AKAP6: variants seen among roughly 807,000 people sequenced by gnomAD.
The protein encoded by AKAP6 is A-kinase anchor protein 6.
Under a neutral mutation model 188.5 loss-of-function variants are expected in AKAP6, and 58 were observed. The ratio of observed to expected loss-of-function variants is 0.31; its 90% CI spans 0.25 to 0.38. The LOEUF is 0.38. AKAP6 is among the 10% of genes least tolerant of loss of function. AKAP6 has a pLI of 1.00. For synonymous variants in AKAP6, 989 were observed against 998.6 expected (o/e 0.99, Z 0.18); for missense variants, 2,710 against 2,740.0 (o/e 0.99, Z 0.24).
chr14:32,567,021 C>T (rs1164198124), intron 4 of AKAP6, among the ~76,000 whole-genome samples: 2 of 152,126 alleles, frequency 1.3e-5, no homozygotes, highest in African/African-American at 4.8e-5. Flanking sequence ...CTCCTGGGCT[C>T]AAGCAATCCT....
intron 2 of AKAP6, among the ~76,000 whole-genome samples, chr14:32,511,079 G>T (rs1881232225): frequency 6.6e-6 from 1 of 152,198 alleles, no homozygotes; most frequent in South Asian, 2.1e-4. Flanking sequence ...CAGTGTAAGT[G>T]AATGGACAAG....
At chr14:32,511,275 A>T (rs1012360536) in intron 2 of AKAP6, among the ~76,000 whole-genome samples, 1 of 152,116 alleles carries the variant, frequency 6.6e-6, no homozygotes, top group African/African-American at 2.4e-5. Flanking sequence ...CAAAGATGCC[A>T]TGCAATTCCA....
At chr14:32,752,243 ACTGT>A (rs1472884610) in intron 11 of AKAP6, among the ~76,000 whole-genome samples, 33 of 152,314 alleles carry the variant, frequency 2.2e-4, no homozygotes, top group Admixed American at 9.8e-4. Flanking sequence ...CATAGGGTAA[ACTGT>A]CTGATGTCAA....
intron 12 of AKAP6, among the ~76,000 whole-genome samples, chr14:32,804,396 TAGGACCACGAAGCCCGC>T (rs562639661): frequency 2.4e-4 from 36 of 152,146 alleles, no homozygotes; most frequent in Non-Finnish European, 5.0e-4. Context: ...CACATATTGG[TAGGACCACGAAGCCCGC>T]CTGAGTCTCA....
rs2034817780 is a variant in AKAP6, at chr14:32,831,444, A to G, written c.*1639A>G. The G allele has an allele frequency of 6.6e-6, 1 of 152,222 alleles. No individual in the cohort carries two copies. The highest frequency in any genetic ancestry group is 2.4e-5 in the African/African-American group (1 of 41,468). 9.4% of individuals were successfully genotyped at this position (152,222 alleles called of 1,614,324 possible). ...GAGGTACAATGCAATATAAAGTCAC[A>G]ATAGATAATATATATCAAATTTCTA... On this transcript the variant is annotated 3_prime_UTR_variant, in exon 14 of 14. Coordinates refer to ENST00000280979, the MANE Select transcript of AKAP6 (RefSeq NM_004274.5).
At chr14:32,647,982 G>A (rs1299040885) in intron 7 of AKAP6, among the ~76,000 whole-genome samples, 1 of 152,042 alleles carries the variant, frequency 6.6e-6, no homozygotes, top group Non-Finnish European at 1.5e-5. Flanking sequence ...TTGTGCAAAA[G>A]GAAGTGTACC....
intron 7 of AKAP6, among the ~76,000 whole-genome samples, chr14:32,616,491 C>T (rs1056719164): frequency 4.6e-5 from 7 of 152,116 alleles, no homozygotes; most frequent in Admixed American, 6.6e-5. Context: ...CCTTAGCAAA[C>T]TAACACAGGA....
At chr14:32,585,759 CA>C (rs1329372227) in intron 5 of AKAP6, among the ~76,000 whole-genome samples, 7 of 151,998 alleles carry the variant, frequency 4.6e-5, no homozygotes, top group Non-Finnish European at 8.8e-5. Context: ...AGGGAACCTT[CA>C]AAGAGGTAAT....
At chr14:32,721,550 C>G (rs1227077242) in intron 9 of AKAP6, among the ~76,000 whole-genome samples, 3 of 152,188 alleles carry the variant, frequency 2.0e-5, no homozygotes, top group East Asian at 3.9e-4. Context: ...AAACGCCTCT[C>G]TAAAGTAGGA....
chr14:32,569,675 A>G (rs1884381664), intron 4 of AKAP6, among the ~76,000 whole-genome samples: 1 of 152,206 alleles, frequency 6.6e-6, no homozygotes, highest in Non-Finnish European at 1.5e-5. Context: ...AAGATTATAT[A>G]TGTTGGTAAA....
intron 11 of AKAP6, among the ~76,000 whole-genome samples, chr14:32,765,724 A>AG (rs397852331): frequency 1.3e-5 from 2 of 150,710 alleles, no homozygotes; most frequent in Non-Finnish European, 3.0e-5. Flanking sequence ...AAAAAAAAAA[A>AG]CCTACAAGTT....
intron 9 of AKAP6, among the ~76,000 whole-genome samples, chr14:32,711,075 A>G (rs886832703): frequency 6.6e-6 from 1 of 152,080 alleles, no homozygotes; most frequent in South Asian, 2.1e-4. Flanking sequence ...TATTATGGCA[A>G]CGCTTTAGGA....
At chr14:32,721,413 T>C (rs2139788212) in intron 9 of AKAP6, among the ~76,000 whole-genome samples, 1 of 152,316 alleles carries the variant, frequency 6.6e-6, no homozygotes, top group South Asian at 2.1e-4. Context: ...TTTATGTCTT[T>C]TAAAAAAATT....
intron 12 of AKAP6, among the ~76,000 whole-genome samples, chr14:32,794,047 A>G (rs969949106): frequency 1.3e-5 from 2 of 152,204 alleles, no homozygotes; most frequent in Non-Finnish European, 2.9e-5. Context: ...AACAGAATAT[A>G]CATTCTTCTC....
At chr14:32,348,079 T>C (rs746276600) in intron 1 of AKAP6, among the ~76,000 whole-genome samples, 2 of 152,146 alleles carry the variant, frequency 1.3e-5, no homozygotes, top group African/African-American at 2.4e-5. Flanking sequence ...AAGATACAGA[T>C]GAAGTGCTGG....
chr14:32,570,043 A>T (rs1188201365), intron 4 of AKAP6, among the ~76,000 whole-genome samples: 1 of 150,472 alleles, frequency 6.6e-6, no homozygotes, highest in Non-Finnish European at 1.5e-5. Context: ...CTCATTGACC[A>T]TGTGAGGTGA....
chr14:32,449,890 C>A (rs996886116), intron 2 of AKAP6, among the ~76,000 whole-genome samples: 1 of 152,150 alleles, frequency 6.6e-6, no homozygotes, highest in Non-Finnish European at 1.5e-5. Flanking sequence ...ACACTGAGAG[C>A]AATAAAAGCT....
At chr14:32,760,013 T>C (rs571520983) in intron 11 of AKAP6, among the ~76,000 whole-genome samples, 1 of 152,370 alleles carries the variant, frequency 6.6e-6, no homozygotes, top group East Asian at 1.9e-4. Context: ...TTTTCAATCT[T>C]GTTTGCTTTG....
At chr14:32,828,890 C>G (rs2034751577) in intron 13 of AKAP6, among the ~76,000 whole-genome samples, 1 of 152,174 alleles carries the variant, frequency 6.6e-6, no homozygotes, top group Admixed American at 6.5e-5. Context: ...CCAGCCAAAC[C>G]ACTTTTTGTT....
Sources: allele counts gnomAD v4.1 joint callset (sites outside exome capture counted in the v4.1 genomes callset), GRCh38; gene constraint gnomAD v4.1.1; transcripts MANE v1.5; gene names NCBI Gene and HGNC (gene_info 2026-07-23, HGNC 2026-07-21).